GAB2: variants seen among roughly 807,000 people sequenced by gnomAD.
The protein encoded by GAB2 is GRB2 associated binding protein 2.
In GAB2, 26 loss-of-function variants were observed where a neutral mutation model predicts 65.5. The observed-to-expected ratio is 0.40, with a 90% CI of 0.29 to 0.55. The LOEUF is 0.55. Ranked by LOEUF, GAB2 falls within the 20% of genes least tolerant of loss-of-function variation. GAB2 has a pLI of 0.53. For synonymous variants in GAB2, 321 were observed against 329.6 expected (o/e 0.97, Z 0.28); for missense variants, 884 against 875.8 (o/e 1.01, Z -0.12).
intron 3 of GAB2, among the ~76,000 whole-genome samples, chr11:78,237,102 G>A (rs1327532424): frequency 6.6e-6 from 1 of 152,180 alleles, no homozygotes; most frequent in Non-Finnish European, 1.5e-5. Flanking sequence ...TTTTCTGAAA[G>A]ACTGTGGGTA....
chr11:78,317,347 G>A (rs1170547182), intron 1 of GAB2, among the ~76,000 whole-genome samples: 1 of 152,152 alleles, frequency 6.6e-6, no homozygotes. Context: ...CAGATCGTAA[G>A]TTAAGAGATT....
At chr11:78,397,243 CT>C (rs553531585) in intron 1 of GAB2, among the ~76,000 whole-genome samples, 1 of 152,104 alleles carries the variant, frequency 6.6e-6, no homozygotes, top group African/African-American at 2.4e-5. Flanking sequence ...AGTTCAAACT[CT>C]TTTTTTCGCC....
chr11:78,346,867 C>T (rs1237950132), intron 1 of GAB2, among the ~76,000 whole-genome samples: 2 of 151,336 alleles, frequency 1.3e-5, no homozygotes, highest in Non-Finnish European at 2.9e-5. Flanking sequence ...GGAGCTCTCT[C>T]ATGATTCTGT....
At position 78,226,620 on chromosome 11, in the gene GAB2, G is replaced by GGGGGGGGCCCC; in HGVS notation, c.1051_1052insGGGGCCCCCCC (p.Pro351ArgfsTer80). 2 of 1,500,564 alleles carry GGGGGGGGCCCC rather than the reference G, an allele frequency of 1.3e-6. No individual in the cohort carries two copies. The highest frequency in any genetic ancestry group is 1.9e-6 in the Non-Finnish European group (2 of 1,079,026). The allele number at this position is 1,500,564 out of a possible 1,614,324, so 93.0% of individuals were successfully genotyped here. A position where few individuals can be genotyped will look rare whatever the true frequency, so the allele number is the denominator to read the frequency against. ...ACTTGGCTTGGGGGGGCGGGGTGGGGGAGCTATGGCTGAGTCCCCAGGAGT... is the reference window on the plus strand; with the variant it reads ...ACTTGGCTTGGGGGGGCGGGGTGGGGGGGGGGGCCCCGAGCTATGGCTGAGTCCCCAGGAGT... On this transcript the variant is annotated frameshift_variant, in exon 4 of 10. Transcript: ENST00000361507. LOFTEE classifies it high-confidence loss of function.
chr11:78,319,120 G>A (rs776142252), intron 1 of GAB2, among the ~76,000 whole-genome samples: 6 of 152,122 alleles, frequency 3.9e-5, no homozygotes, highest in African/African-American at 7.2e-5. Context: ...GGCTGTGAGC[G>A]TTTGGATGCA....
At chr11:78,241,656 T>A (rs118145343) in intron 3 of GAB2, among the ~76,000 whole-genome samples, 1 of 145,712 alleles carries the variant, frequency 6.9e-6, no homozygotes, top group Non-Finnish European at 1.5e-5. Flanking sequence ...ATTCAATGAA[T>A]GAAATAAAAA....
At chr11:78,258,569 T>A (rs926857453) in intron 2 of GAB2, among the ~76,000 whole-genome samples, 2 of 151,600 alleles carry the variant, frequency 1.3e-5, no homozygotes, top group Non-Finnish European at 2.9e-5. Context: ...CTTCTTAGAG[T>A]TGAATTATAA....
intron 1 of GAB2, among the ~76,000 whole-genome samples, chr11:78,368,942 T>G (rs758902178): frequency 2.6e-5 from 4 of 151,840 alleles, no homozygotes; most frequent in Non-Finnish European, 5.9e-5. Context: ...TTAAAAAATT[T>G]TTTAATTTGT....
At chr11:78,351,738 T>C (rs1351865707) in intron 1 of GAB2, among the ~76,000 whole-genome samples, 2 of 152,326 alleles carry the variant, frequency 1.3e-5, no homozygotes, top group East Asian at 3.9e-4. Context: ...GATAGGGAAC[T>C]GGAAGTCTGG....
Position 78,221,700 on chromosome 11 carries a change from T to A in GAB2, c.1738A>T (p.Ser580Cys). ...QSITSTDSGDSEENYVPMQNP... is the reference protein window; with the variant it reads ...QSITSTDSGDCEENYVPMQNP... ...ACCATAGGGACATAGTTCTCTTCGC[T>A]GTCTCCTGAGTCTGTGCTGGTGATG... Residue 580 changes from serine to cysteine, a missense_variant, in exon 8 of 10, where the codon AGC becomes TGC. Ser to Cys is a moderately radical substitution (Grantham distance 112, BLOSUM62 -1). Transcript: ENST00000361507. The A allele has an allele frequency of 6.2e-7, 1 of 1,612,958 alleles. No individual in the cohort carries two copies. The highest frequency in any genetic ancestry group is 1.1e-5 in the South Asian group (1 of 91,050).
At chr11:78,405,023 C>T (rs556076438) in intron 1 of GAB2, among the ~76,000 whole-genome samples, 10 of 151,196 alleles carry the variant, frequency 6.6e-5, no homozygotes, top group Non-Finnish European at 8.8e-5. Flanking sequence ...ATTATGTATC[C>T]GTAAAAAGTA....
intron 2 of GAB2, among the ~76,000 whole-genome samples, chr11:78,275,096 C>T (rs191765852): frequency 8.3e-4 from 126 of 152,244 alleles, no homozygotes; most frequent in Non-Finnish European, 1.4e-3. Flanking sequence ...AGGTACTCTT[C>T]ACCTAAAGCA....
intron 1 of GAB2, among the ~76,000 whole-genome samples, chr11:78,378,638 A>AT (rs1856661977): frequency 6.6e-6 from 1 of 152,134 alleles, no homozygotes; most frequent in South Asian, 2.1e-4. Flanking sequence ...TACAGGATTC[A>AT]TAGTCACTTT....
chr11:78,319,264 A>C (rs117198703), intron 1 of GAB2, among the ~76,000 whole-genome samples: 3 of 152,356 alleles, frequency 2.0e-5, no homozygotes, highest in Non-Finnish European at 4.4e-5. Context: ...TAGTGTGATA[A>C]AACAGACACC....
Position 78,221,703 on chromosome 11 carries a change from C to T in GAB2, c.1735G>A (p.Asp579Asn), listed in dbSNP as rs767669827. Residue 579 changes from aspartate to asparagine, a missense_variant, in exon 8 of 10, where the codon GAC (aspartate) becomes AAC (asparagine). Coordinates refer to ENST00000361507, the MANE Select transcript of GAB2 (RefSeq NM_080491.3). ...ATAGGGACATAGTTCTCTTCGCTGT[C>T]TCCTGAGTCTGTGCTGGTGATGCTC... Reference protein sequence around the residue: ...TQSITSTDSGDSEENYVPMQN... With the variant: ...TQSITSTDSGNSEENYVPMQN... 9 of 1,613,114 alleles carry T rather than the reference C, an allele frequency of 5.6e-6. No individual in the cohort carries two copies. In the Admixed American group the frequency reaches 6.7e-5, roughly 12 times the overall value.
At chr11:78,410,167 C>T (rs1234346398) in intron 1 of GAB2, among the ~76,000 whole-genome samples, 1 of 152,124 alleles carries the variant, frequency 6.6e-6, no homozygotes, top group Non-Finnish European at 1.5e-5. Flanking sequence ...TAAATGAATA[C>T]ATTAAATAAG....
chr11:78,306,206 T>C (rs1461210144), intron 1 of GAB2, among the ~76,000 whole-genome samples: 1 of 152,164 alleles, frequency 6.6e-6, no homozygotes, highest in Non-Finnish European at 1.5e-5. Context: ...CAACCTAATC[T>C]AGAACCTATA....
chr11:78,390,083 G>C (rs963920976), intron 1 of GAB2, among the ~76,000 whole-genome samples: 2 of 152,164 alleles, frequency 1.3e-5, no homozygotes, highest in African/African-American at 4.8e-5. Flanking sequence ...AGTAACAAAA[G>C]AAAATAGTAC....
intron 1 of GAB2, among the ~76,000 whole-genome samples, chr11:78,412,031 AAACAACAAC>A (rs373083805): frequency 8.2e-4 from 124 of 150,762 alleles, no homozygotes; most frequent in African/African-American, 2.8e-3. Context: ...ATCTGTCTAA[AAACAACAAC>A]AACAACAACA....
Sources: gnomAD v4.1 joint callset for allele counts (sites outside exome capture counted in the v4.1 genomes callset) on GRCh38, gnomAD v4.1.1 for gene constraint, MANE v1.5 for transcripts, NCBI Gene and HGNC (gene_info 2026-07-23, HGNC 2026-07-21) for gene names.